PAK5: variants seen among roughly 807,000 people sequenced by gnomAD.
PAK5 encodes the protein serine/threonine-protein kinase PAK 5.
In PAK5, 16 loss-of-function variants were observed where a neutral mutation model predicts 65.9. The observed-to-expected ratio is 0.24, with a 90% CI of 0.16 to 0.37. The LOEUF (loss-of-function observed/expected upper bound fraction) is 0.37. Ranked by LOEUF, PAK5 falls within the 10% of genes least tolerant of loss-of-function variation. PAK5 has a pLI of 1.00. For synonymous variants in PAK5, 371 were observed against 354.9 expected (o/e 1.05, Z -0.51); for missense variants, 785 against 903.9 (o/e 0.87, Z 1.69).
At chr20:9,801,802 A>G (rs1206667419) in intron 1 of PAK5, among the ~76,000 whole-genome samples, 1 of 152,148 alleles carries the variant, frequency 6.6e-6, no homozygotes, top group East Asian at 1.9e-4. Context: ...TCAATCCCAA[A>G]TAGCTTGAGA....
At chr20:9,569,087 A>G (rs1269384888) in intron 4 of PAK5, among the ~76,000 whole-genome samples, 2 of 152,222 alleles carry the variant, frequency 1.3e-5, no homozygotes, top group Admixed American at 6.5e-5. Flanking sequence ...TGTGACCTAC[A>G]GAAACTGTGA....
intron 2 of PAK5, among the ~76,000 whole-genome samples, chr20:9,707,736 T>A (rs562869598): frequency 6.6e-6 from 1 of 152,242 alleles, no homozygotes; most frequent in East Asian, 1.9e-4. Flanking sequence ...CATAAATAAG[T>A]CTTGGCTAGC....
intron 2 of PAK5, among the ~76,000 whole-genome samples, chr20:9,669,150 C>T (rs2047459493): frequency 6.6e-6 from 1 of 152,202 alleles, no homozygotes; most frequent in East Asian, 1.9e-4. Context: ...AAGACACACA[C>T]AGCAAATATT....
At chr20:9,564,560 C>T (rs942571995) in intron 5 of PAK5, among the ~76,000 whole-genome samples, 9 of 152,130 alleles carry the variant, frequency 5.9e-5, no homozygotes, top group South Asian at 2.1e-4. Context: ...GTCTCAATGA[C>T]GCTAGTGAAG....
At chr20:9,586,105 C>T (rs2046063721) in intron 3 of PAK5, among the ~76,000 whole-genome samples, 1 of 152,160 alleles carries the variant, frequency 6.6e-6, no homozygotes, top group Admixed American at 6.6e-5. Context: ...AAGAAAGGCT[C>T]TCTGCTCATA....
At chr20:9,628,223 T>C (rs1471811221) in intron 3 of PAK5, among the ~76,000 whole-genome samples, 1 of 152,226 alleles carries the variant, frequency 6.6e-6, no homozygotes, top group African/African-American at 2.4e-5. Context: ...AGTACTGTTA[T>C]ATCCACTTCT....
chr20:9,687,213 G>A (rs1569040342), intron 2 of PAK5, among the ~76,000 whole-genome samples: 1 of 152,200 alleles, frequency 6.6e-6, no homozygotes, highest in African/African-American at 2.4e-5. Flanking sequence ...AAATGGAAAA[G>A]CTCAATGTCT....
At chr20:9,556,180 CA>C (rs1302091013) in intron 7 of PAK5, among the ~76,000 whole-genome samples, 1 of 152,136 alleles carries the variant, frequency 6.6e-6, no homozygotes, top group Non-Finnish European at 1.5e-5. Flanking sequence ...TTAAGAGAAG[CA>C]ATGCAATGGT....
At chr20:9,612,617 C>T (rs531684358) in intron 3 of PAK5, among the ~76,000 whole-genome samples, 11 of 152,202 alleles carry the variant, frequency 7.2e-5, no homozygotes, top group South Asian at 4.2e-4. Context: ...GGTGCTAAAC[C>T]GTTCGTGAGA....
At chr20:9,827,418 T>C (rs1569103940) in intron 1 of PAK5, among the ~76,000 whole-genome samples, 1 of 152,198 alleles carries the variant, frequency 6.6e-6, no homozygotes, top group African/African-American at 2.4e-5. Context: ...CTGGGTAATA[T>C]CCATTCATCC....
chr20:9,586,267 T>A (rs1452350943), intron 3 of PAK5, among the ~76,000 whole-genome samples: 2 of 152,070 alleles, frequency 1.3e-5, no homozygotes, highest in African/African-American at 4.8e-5. Context: ...GGAAAAAAAA[T>A]CATTCCCTGT....
At chr20:9,794,275 AT>A (rs2049081842) in intron 1 of PAK5, among the ~76,000 whole-genome samples, 1 of 152,080 alleles carries the variant, frequency 6.6e-6, no homozygotes. Flanking sequence ...GCAAACCACT[AT>A]GGCACATATA....
At chr20:9,686,562 A>C (rs975457250) in intron 2 of PAK5, among the ~76,000 whole-genome samples, 1 of 152,032 alleles carries the variant, frequency 6.6e-6, no homozygotes, top group Non-Finnish European at 1.5e-5. Flanking sequence ...CCACTTTGGC[A>C]CACTGGAAGT....
chr20:9,777,651 A>C (rs1052584828), intron 1 of PAK5, among the ~76,000 whole-genome samples: 2 of 152,248 alleles, frequency 1.3e-5, no homozygotes, highest in African/African-American at 2.4e-5. Flanking sequence ...GACCAATTAG[A>C]GTAAAAGAAA....
chr20:9,674,747 A>G (rs1292102919), intron 2 of PAK5, among the ~76,000 whole-genome samples: 1 of 152,222 alleles, frequency 6.6e-6, no homozygotes, highest in Non-Finnish European at 1.5e-5. Flanking sequence ...CTGTGACCTG[A>G]GCTGGAGTCT....
chr20:9,729,218 G>C (rs2048308828), intron 1 of PAK5, among the ~76,000 whole-genome samples: 2 of 151,070 alleles, frequency 1.3e-5, no homozygotes, highest in Non-Finnish European at 2.9e-5. Context: ...CTGGGTGACA[G>C]AGAGAAACTC....
chr20:9,833,336 A>G (rs1396239083), intron 1 of PAK5, among the ~76,000 whole-genome samples: 6 of 152,274 alleles, frequency 3.9e-5, no homozygotes, highest in African/African-American at 1.2e-4. Context: ...CCAGTACTAC[A>G]TTGCTATAAT....
intron 2 of PAK5, among the ~76,000 whole-genome samples, chr20:9,648,351 A>G (rs2047160588): frequency 6.6e-6 from 1 of 152,178 alleles, no homozygotes; most frequent in Non-Finnish European, 1.5e-5. Flanking sequence ...AAAGCCATCT[A>G]CTGGGGAAGC....
intron 2 of PAK5, among the ~76,000 whole-genome samples, chr20:9,698,368 T>C (rs1052067833): frequency 6.6e-6 from 1 of 152,166 alleles, no homozygotes; most frequent in African/African-American, 2.4e-5. Context: ...AAAGAGAGGA[T>C]AGTATAAATC....
Sources: allele counts gnomAD v4.1 joint callset (sites outside exome capture counted in the v4.1 genomes callset), GRCh38; gene constraint gnomAD v4.1.1; transcripts MANE v1.5; gene names NCBI Gene and HGNC (gene_info 2026-07-23, HGNC 2026-07-21).